Variants in AHRR observed in about 807,000 individuals in gnomAD.
AHRR encodes ahR repressor.
A neutral mutation model predicts 44.0 loss-of-function variants in AHRR; 28 were observed. The observed-to-expected ratio is 0.64, with a 90% CI of 0.47 to 0.87. The LOEUF is 0.87. Among genes scored for constraint, AHRR ranks in the 40% least tolerant of loss-of-function variants. AHRR has a pLI of 0.00. For missense variants in AHRR, 990 were observed against 953.9 expected (o/e 1.04, Z -0.50); for synonymous variants, 434 against 407.0 (o/e 1.07, Z -0.80).
chr5:425,913 T>C (rs1275768309), intron 7 of AHRR, among the ~76,000 whole-genome samples: 2 of 152,192 alleles, frequency 1.3e-5, no homozygotes, highest in African/African-American at 4.8e-5. Flanking sequence ...CCCTGAGTGG[T>C]GCAGTCTTGG....
chr5:397,491 G>A (rs1445995814), intron 4 of AHRR, among the ~76,000 whole-genome samples: 3 of 84,454 alleles, frequency 3.6e-5, no homozygotes, highest in East Asian at 8.3e-4. Context: ...GACCATCCAC[G>A]TAGCCCCTGA....
intron 4 of AHRR, among the ~76,000 whole-genome samples, chr5:399,611 A>T (rs1338052899): frequency 6.6e-6 from 1 of 152,142 alleles, no homozygotes; most frequent in Non-Finnish European, 1.5e-5. Context: ...GCAGGAGGAA[A>T]CCAAGGCCCA....
chr5:398,216 GTAGCTCCTGACCATCCATGT>G (rs1734843867), intron 4 of AHRR, among the ~76,000 whole-genome samples: 1 of 72,802 alleles, frequency 1.4e-5, no homozygotes, highest in Non-Finnish European at 2.3e-5. Context: ...GACCATCCAC[GTAGCTCCTGACCATCCATGT>G]TAGCCCCTGA....
At position 436,481 on chromosome 5, in the gene AHRR, G is replaced by C. The variant is rs1018512941; in HGVS notation, c.*1647G>C. ...ATGCCAGGTGCCTGCGCCTCTCAGT[G>C]GCCTGGTTCTTGGACAGTTTGCCCC... On this transcript the variant is annotated 3_prime_UTR_variant, in exon 11 of 11. Coordinates refer to ENST00000684583, the MANE Select transcript of AHRR (RefSeq NM_001377236.1). The C allele has an allele frequency of 2.0e-5, 3 of 152,434 alleles. No individual in the cohort carries two copies. The highest frequency in any genetic ancestry group is 1.3e-4 in the Admixed American group (2 of 15,288). The allele number at this position is 152,434 out of a possible 1,614,324, so 9.4% of individuals were successfully genotyped here.
At chr5:323,843 G>C (rs1055174106) in intron 1 of AHRR, among the ~76,000 whole-genome samples, 1 of 152,142 alleles carries the variant, frequency 6.6e-6, no homozygotes, top group Non-Finnish European at 1.5e-5. Context: ...GAGACTCAAC[G>C]GAGCTCCTTG....
intron 1 of AHRR, among the ~76,000 whole-genome samples, chr5:335,432 AG>A (rs201377783): frequency 0.029 from 4,372 of 152,248 alleles, 102 homozygotes; most frequent in Non-Finnish European, 0.038. Flanking sequence ...CCCTGGGAGA[AG>A]GGCTCAGTGT....
chr5:373,622 G>T (rs1002953888), intron 3 of AHRR, among the ~76,000 whole-genome samples: 1 of 152,056 alleles, frequency 6.6e-6, no homozygotes, highest in African/African-American at 2.4e-5. Flanking sequence ...CCACATCACA[G>T]AGGAGGAGAC....
chr5:339,820 A>G (rs1221119385), intron 1 of AHRR, among the ~76,000 whole-genome samples: 1 of 152,096 alleles, frequency 6.6e-6, no homozygotes, highest in Non-Finnish European at 1.5e-5. Flanking sequence ...TTTTCTTTTT[A>G]GTTTATTATT....
rs902731372 is a variant in AHRR, at chr5:376,597, T to C, written c.245-13T>C. The C allele has an allele frequency of 4.2e-6, 4 of 950,906 alleles. No homozygotes were observed. In the African/African-American group the frequency reaches 1.3e-4, roughly 31 times the overall value. The allele number at this position is 950,906 out of a possible 1,614,324, so 58.9% of individuals were successfully genotyped here. A position where few individuals can be genotyped will look rare whatever the true frequency, so the allele number is the denominator to read the frequency against. ...GGTTGGGGGTGCCTAATGTGTCTTT[T>C]CTTCTCTGACAGTCGTGCAGGAGCA... On this transcript the variant is annotated splice_polypyrimidine_tract_variant and intron_variant, in intron 3 of 10. Transcript: ENST00000684583.
chr5:329,703 T>C (rs1433498798), intron 1 of AHRR, among the ~76,000 whole-genome samples: 1 of 152,238 alleles, frequency 6.6e-6, no homozygotes, highest in Non-Finnish European at 1.5e-5. Context: ...TGTAGAGTTT[T>C]ATTCTCAGGT....
intron 2 of AHRR, among the ~76,000 whole-genome samples, chr5:351,591 G>A (rs529079655): frequency 6.6e-6 from 1 of 152,334 alleles, no homozygotes; most frequent in South Asian, 2.1e-4. Context: ...AGGGCTAACA[G>A]AAGGGGAATC....
chr5:406,245 G>C lies in AHRR; in HGVS notation c.352-7099G>C, dbSNP rs1364249893. On this transcript the variant is annotated intron_variant, in intron 4 of 10. Transcript: ENST00000684583. This position sits in a 1 kb window ranked among gnomAD's most constrained non-coding sequence, Gnocchi z 4.7. ...CCCCAGCCCCCCTTCCTTCCAGCCAGTGGCTCTGTGAGCCGCCTCTTGTCT... is the reference window on the plus strand; with the variant it reads ...CCCCAGCCCCCCTTCCTTCCAGCCACTGGCTCTGTGAGCCGCCTCTTGTCT... Among the ~76,000 whole-genome samples the C allele has an allele frequency of 6.6e-6, 1 of 152,208 alleles. No homozygotes were observed.
intron 7 of AHRR, among the ~76,000 whole-genome samples, chr5:427,099 A>G (rs545904176): frequency 1.1e-4 from 16 of 152,152 alleles, no homozygotes; most frequent in Non-Finnish European, 2.2e-4. Context: ...AGATTGGTGG[A>G]TGGATGGATG....
chr5:354,874 G>A (rs1742986452), intron 3 of AHRR, among the ~76,000 whole-genome samples: 1 of 152,298 alleles, frequency 6.6e-6, no homozygotes, highest in East Asian at 1.9e-4. Context: ...GACACCCCCA[G>A]GGAAGGACGT....
chr5:432,561 G>A (rs1392432300), intron 9 of AHRR, 37 bp downstream of exon 9: 2 of 1,602,152 alleles, frequency 1.2e-6, no homozygotes, highest in Non-Finnish European at 1.7e-6. Flanking sequence ...TTTTCCACAT[G>A]GGTAAAATGT....
chr5:331,922 A>G (rs1419663331), intron 1 of AHRR, among the ~76,000 whole-genome samples: 1 of 152,220 alleles, frequency 6.6e-6, no homozygotes, highest in Non-Finnish European at 1.5e-5. Flanking sequence ...AAACCAGTAC[A>G]TGATGCCAAA....
chr5:375,219 A>G (rs1007362580), intron 3 of AHRR, among the ~76,000 whole-genome samples: 1 of 152,200 alleles, frequency 6.6e-6, no homozygotes, highest in Non-Finnish European at 1.5e-5. Flanking sequence ...TCAAGTGGTT[A>G]TTCTAGTTCT....
In AHRR at chr5:404,084, T is replaced by C; in HGVS notation, c.352-9260T>C. 1 of 640,592 alleles carries C rather than the reference T, an allele frequency of 1.6e-6. No homozygotes were observed. The highest frequency in any genetic ancestry group is 1.5e-5 in the South Asian group (1 of 65,812). 39.7% of individuals were successfully genotyped at this position (640,592 alleles called of 1,614,324 possible). ...TGTTGTCCAGCGTTTGAAGAAAAAG[T>C]CAGTTCCGTTGTCAGGGTTGGTCCA... On this transcript the variant is annotated intron_variant, in intron 4 of 10. Coordinates refer to ENST00000684583, the MANE Select transcript of AHRR (RefSeq NM_001377236.1). The surrounding 1 kb of genome is among the most constrained non-coding windows in gnomAD (Gnocchi z 4.1).
intron 2 of AHRR, among the ~76,000 whole-genome samples, chr5:345,125 GATGTGTGTGTGT>G (rs1560885010): frequency 9.7e-5 from 2 of 20,608 alleles, no homozygotes; most frequent in African/African-American, 1.2e-3. Context: ...TGTGTGTGGG[GATGTGTGTGTGT>G]GTGTGTGTGT....
Sources: allele counts gnomAD v4.1 joint callset (sites outside exome capture counted in the v4.1 genomes callset), GRCh38; gene constraint gnomAD v4.1.1; non-coding constraint Gnocchi (gnomAD v3.1); transcripts MANE v1.5; gene names NCBI Gene and HGNC (gene_info 2026-07-23, HGNC 2026-07-21).